The following CHODL variants were observed in gnomAD, a reference collection of about 807,000 sequenced individuals.
CHODL encodes the protein chondrolectin.
A neutral mutation model predicts 34.5 loss-of-function variants in CHODL; 29 were observed. The ratio of observed to expected loss-of-function variants is 0.84; its 90% CI spans 0.63 to 1.15. CHODL has a LOEUF of 1.15. CHODL is among the 50% of genes most tolerant of loss of function. CHODL has a pLI of 0.00. For missense variants in CHODL, 332 were observed against 332.5 expected (o/e 1.00, Z 0.01); for synonymous variants, 125 against 116.1 (o/e 1.08, Z -0.49).
chr21:18,174,153 A>ATCTTGGTG (rs1270870597), intron 2 of CHODL, among the ~76,000 whole-genome samples: 6 of 116,218 alleles, frequency 5.2e-5, no homozygotes, highest in African/African-American at 1.5e-4. Flanking sequence ...ATATATATAT[A>ATCTTGGTG]TATATATAAA....
intron 2 of CHODL, among the ~76,000 whole-genome samples, chr21:18,113,274 G>A (rs553643620): frequency 7.2e-5 from 11 of 152,138 alleles, no homozygotes; most frequent in African/African-American, 2.2e-4. Flanking sequence ...GCGAGGATGC[G>A]GAGAAAAGTG....
At chr21:18,261,334 C>T (rs1369492786) in intron 4 of CHODL, among the ~76,000 whole-genome samples, 1 of 149,338 alleles carries the variant, frequency 6.7e-6, no homozygotes, top group Non-Finnish European at 1.5e-5. Context: ...ACAATGTGCA[C>T]ATGTACACTA....
At chr21:18,110,220 C>CCT (rs2065330960) in intron 2 of CHODL, among the ~76,000 whole-genome samples, 1 of 152,192 alleles carries the variant, frequency 6.6e-6, no homozygotes, top group African/African-American at 2.4e-5. Flanking sequence ...ATGGCATTGG[C>CCT]CTCATATCAT....
At chr21:17,917,700 A>C (rs1169940249) in intron 1 of CHODL, among the ~76,000 whole-genome samples, 1 of 152,232 alleles carries the variant, frequency 6.6e-6, no homozygotes, top group Non-Finnish European at 1.5e-5. Context: ...ACCCAACAGA[A>C]GCCAGAGAAG....
At chr21:18,194,011 T>C (rs948336572) in intron 2 of CHODL, among the ~76,000 whole-genome samples, 4 of 152,078 alleles carry the variant, frequency 2.6e-5, no homozygotes, top group Non-Finnish European at 5.9e-5. Context: ...CAATCCAATC[T>C]ACCTTTGTAG....
chr21:18,254,262 G>A (rs773959170), intron 1 of CHODL, among the ~76,000 whole-genome samples: 15 of 146,302 alleles, frequency 1.0e-4, no homozygotes, highest in Non-Finnish European at 2.1e-4. Context: ...ATACCAACAG[G>A]AATAATGTTA....
intron 2 of CHODL, among the ~76,000 whole-genome samples, chr21:18,184,644 T>C (rs1034897562): frequency 6.6e-6 from 1 of 152,186 alleles, no homozygotes; most frequent in East Asian, 1.9e-4. Flanking sequence ...ATGCCCAGTA[T>C]TGAACACCAT....
At chr21:18,050,582 T>G (rs2064501558) in intron 2 of CHODL, among the ~76,000 whole-genome samples, 1 of 151,860 alleles carries the variant, frequency 6.6e-6, no homozygotes, top group African/African-American at 2.4e-5. Context: ...ATGACAAGAC[T>G]TGAAGTTAGA....
rs1398343358 is a variant in CHODL at position 17,955,685 on chromosome 21, A to G, written c.-145+38285A>G. Among the ~76,000 whole-genome samples, 5 of 136,674 alleles carry G rather than the reference A, an allele frequency of 3.7e-5. 1 individual carries two copies. The highest frequency in any genetic ancestry group is 1.3e-4 in the African/African-American group (5 of 39,946). 89.7% of individuals were successfully genotyped at this position (136,674 alleles called of 152,430 possible). A position where few individuals can be genotyped will look rare whatever the true frequency, so the allele number is the denominator to read the frequency against. On this transcript the variant is annotated intron_variant, in intron 1 of 6. Transcript: ENST00000400127. ...GCACATAAGAGTCAGAGTAGTGGGA[A>G]TTTTGATTTGCCCTCAGAAATGATG...
intron 2 of CHODL, among the ~76,000 whole-genome samples, chr21:18,088,505 G>A (rs2065034612): frequency 6.6e-6 from 1 of 152,218 alleles, no homozygotes; most frequent in Non-Finnish European, 1.5e-5. Context: ...CCATGTGTCA[G>A]ACCCAGTGGG....
intron 2 of CHODL, among the ~76,000 whole-genome samples, chr21:18,140,896 G>A (rs1963037): frequency 0.078 from 11,866 of 151,922 alleles, 1,450 homozygotes; most frequent in African/African-American, 0.26. Flanking sequence ...ATACAAAGAC[G>A]TGTATTGTTT....
chr21:18,067,160 A>G (rs531415004), intron 2 of CHODL, among the ~76,000 whole-genome samples: 1 of 152,340 alleles, frequency 6.6e-6, no homozygotes, highest in East Asian at 1.9e-4. Flanking sequence ...TAAGCAGTAT[A>G]GAAAGATGTC....
At chr21:18,149,331 T>C (rs375034456) in intron 2 of CHODL, among the ~76,000 whole-genome samples, 53 of 152,340 alleles carry the variant, frequency 3.5e-4, no homozygotes, top group African/African-American at 1.3e-3. Context: ...CTCCATGAGA[T>C]GAAAGCGACT....
intron 2 of CHODL, among the ~76,000 whole-genome samples, chr21:18,178,588 T>C (rs1409855470): frequency 6.6e-6 from 1 of 152,226 alleles, no homozygotes; most frequent in African/African-American, 2.4e-5. Context: ...TACTGTATTC[T>C]TGCAATAAAG....
chr21:18,136,120 A>AG (rs1491293758), intron 2 of CHODL, among the ~76,000 whole-genome samples: 29 of 125,856 alleles, frequency 2.3e-4, no homozygotes, highest in African/African-American at 6.6e-4. Context: ...AAAAAAAAAG[A>AG]AAAAGAAAAA....
upstream of CHODL, among the ~76,000 whole-genome samples, chr21:18,240,051 C>T (rs535695307): frequency 3.3e-5 from 5 of 151,976 alleles, no homozygotes; most frequent in East Asian, 3.9e-4. Context: ...TCTAGCATAG[C>T]GATTTCCAAC....
chr21:18,096,746 T>A (rs1031333184), intron 2 of CHODL, among the ~76,000 whole-genome samples: 5 of 152,204 alleles, frequency 3.3e-5, no homozygotes, highest in Non-Finnish European at 5.9e-5. Context: ...GGCCTTGTGA[T>A]CTTGCTCTGC....
At chr21:18,191,409 GC>G (rs1347053578) in intron 2 of CHODL, among the ~76,000 whole-genome samples, 3 of 152,178 alleles carry the variant, frequency 2.0e-5, no homozygotes, top group African/African-American at 7.2e-5. Flanking sequence ...TGAAACAGTT[GC>G]CAGGGCTCTG....
intron 1 of CHODL, among the ~76,000 whole-genome samples, chr21:18,248,859 GTA>G (rs1307846184): frequency 3.6e-5 from 4 of 110,304 alleles, no homozygotes; most frequent in East Asian, 4.8e-4. Flanking sequence ...TATATACATT[GTA>G]TATGTGTATA....
Sources: gnomAD v4.1 joint callset for allele counts (sites outside exome capture counted in the v4.1 genomes callset) on GRCh38, gnomAD v4.1.1 for gene constraint, MANE v1.5 for transcripts, NCBI Gene and HGNC (gene_info 2026-07-23, HGNC 2026-07-21) for gene names.